The following TAS2R1 variants were observed in gnomAD, a reference collection of about 807,000 sequenced individuals.
TAS2R1 encodes the protein taste receptor type 2 member 1.
For missense variants in TAS2R1, 370 were observed against 353.4 expected (o/e 1.05, Z -0.38); for synonymous variants, 141 against 134.2 (o/e 1.05, Z -0.35).
the TAS2R1 span, among the ~76,000 whole-genome samples, chr5:9,788,734 T>C: frequency 6.6e-6 from 1 of 152,208 alleles, no homozygotes; most frequent in Non-Finnish European, 1.5e-5. Flanking sequence ...CGAACAACAG[T>C]AAACTCATTA....
chr5:9,667,059 TA>T (rs2126499744), intron 1 of TAS2R1, among the ~76,000 whole-genome samples: 1 of 152,274 alleles, frequency 6.6e-6, no homozygotes, highest in Admixed American at 6.5e-5. Context: ...AGACATGAAA[TA>T]TTTTTTATTG....
the TAS2R1 span, among the ~76,000 whole-genome samples, chr5:9,899,213 A>T: frequency 7.2e-5 from 11 of 152,292 alleles, 1 homozygote; most frequent in African/African-American, 2.6e-4. Context: ...CCACCAGAGG[A>T]GTTCAGAGGG....
the TAS2R1 span, among the ~76,000 whole-genome samples, chr5:9,894,545 C>A: frequency 1.2e-4 from 19 of 152,174 alleles, no homozygotes; most frequent in Non-Finnish European, 1.9e-4. Flanking sequence ...TCAGAAAAAA[C>A]CAAACCTGCA....
chr5:9,701,938 G>C (rs41481), intron 1 of TAS2R1, among the ~76,000 whole-genome samples: 33,418 of 152,098 alleles, frequency 0.22, 3,868 homozygotes, highest in Admixed American at 0.33. Flanking sequence ...TGAGATTAAT[G>C]TGATGTACAG....
the TAS2R1 span, among the ~76,000 whole-genome samples, chr5:9,885,671 T>C: frequency 6.6e-6 from 1 of 152,168 alleles, no homozygotes; most frequent in Admixed American, 6.5e-5. Context: ...GATGCAAAAT[T>C]ATCCTTTAAA....
the TAS2R1 span, among the ~76,000 whole-genome samples, chr5:9,762,239 C>T: frequency 1.3e-3 from 199 of 152,274 alleles, no homozygotes; most frequent in East Asian, 3.3e-3. Flanking sequence ...CTTCCACCTC[C>T]ACATACAACC....
rs576386687 is a variant in TAS2R1 at position 9,627,823 on chromosome 5, G to T, written c.*1310C>A. On this transcript the variant is annotated 3_prime_UTR_variant, in exon 1 of 1. Coordinates refer to ENST00000382492, the MANE Select transcript of TAS2R1 (RefSeq NM_019599.3). Reference sequence around the variant, plus strand: ...GAATGAAGTGTGAAACCTGTGGGAAGTTGAGAGTACACTCAGAGCTTAGTT... The same window carrying T: ...GAATGAAGTGTGAAACCTGTGGGAATTTGAGAGTACACTCAGAGCTTAGTT... Among the ~76,000 whole-genome samples the T allele has an allele frequency of 1.3e-5, 2 of 152,310 alleles. No individual in the cohort carries two copies. The highest frequency in any genetic ancestry group is 4.1e-4 in the South Asian group (2 of 4,824).
the TAS2R1 span, among the ~76,000 whole-genome samples, chr5:9,764,621 A>G: frequency 6.6e-6 from 1 of 152,228 alleles, no homozygotes; most frequent in South Asian, 2.1e-4. Flanking sequence ...ACATAGAAGC[A>G]TATATGTAAA....
the TAS2R1 span, among the ~76,000 whole-genome samples, chr5:9,790,600 T>C: frequency 6.6e-6 from 1 of 152,204 alleles, no homozygotes; most frequent in African/African-American, 2.4e-5. Flanking sequence ...ATTGTGTGTG[T>C]CTGTGTGTGC....
intron 1 of TAS2R1, among the ~76,000 whole-genome samples, chr5:9,690,275 A>G (rs1301433694): frequency 6.6e-6 from 1 of 152,144 alleles, no homozygotes; most frequent in Non-Finnish European, 1.5e-5. Context: ...CTGAAGATGT[A>G]CCTTTCTTAA....
the TAS2R1 span, among the ~76,000 whole-genome samples, chr5:9,851,508 G>A: frequency 1.4e-5 from 2 of 143,456 alleles, no homozygotes; most frequent in Non-Finnish European, 3.0e-5. Flanking sequence ...AATTTCTTCT[G>A]CTGGGATTTG....
chr5:9,672,453 C>T (rs1051917018), intron 1 of TAS2R1, among the ~76,000 whole-genome samples: 16 of 151,902 alleles, frequency 1.1e-4, no homozygotes, highest in African/African-American at 3.6e-4. Context: ...AACAAACGAC[C>T]CCATCAAAAA....
intron 1 of TAS2R1, among the ~76,000 whole-genome samples, chr5:9,697,141 T>C (rs1407726816): frequency 6.6e-6 from 1 of 152,132 alleles, no homozygotes; most frequent in Non-Finnish European, 1.5e-5. Flanking sequence ...GGGAAGCCTT[T>C]TAATTTGAAC....
At chr5:9,753,374 T>G in the TAS2R1 span, among the ~76,000 whole-genome samples, 2 of 152,258 alleles carry the variant, frequency 1.3e-5, no homozygotes, top group Non-Finnish European at 2.9e-5. Context: ...TTCATATCCT[T>G]TGCCCACTTT....
At chr5:9,705,251 G>C (rs1428530414) in intron 1 of TAS2R1, among the ~76,000 whole-genome samples, 1 of 152,106 alleles carries the variant, frequency 6.6e-6, no homozygotes, top group Non-Finnish European at 1.5e-5. Context: ...TATTCAGAGT[G>C]GCTACCCCTG....
the TAS2R1 span, among the ~76,000 whole-genome samples, chr5:9,832,559 G>T: frequency 6.6e-6 from 1 of 152,200 alleles, no homozygotes; most frequent in East Asian, 1.9e-4. Flanking sequence ...CTTCTCAAGT[G>T]TTCCTCTAAG....
the TAS2R1 span, among the ~76,000 whole-genome samples, chr5:9,799,451 T>C: frequency 6.6e-6 from 1 of 152,188 alleles, no homozygotes; most frequent in African/African-American, 2.4e-5. Flanking sequence ...GGCAGAGGAT[T>C]CACCTTGAAT....
chr5:9,705,098 G>T (rs766296526), intron 1 of TAS2R1, among the ~76,000 whole-genome samples: 4 of 152,042 alleles, frequency 2.6e-5, no homozygotes, highest in South Asian at 2.1e-4. Context: ...ATGTATACGT[G>T]GTCTTAGGCT....
chr5:9,793,196 G>A, the TAS2R1 span, among the ~76,000 whole-genome samples: 2 of 152,156 alleles, frequency 1.3e-5, no homozygotes, highest in Non-Finnish European at 2.9e-5. Context: ...TTTCTTTGTG[G>A]GCTTTTTGTT....
Sources: allele counts gnomAD v4.1 joint callset (sites outside exome capture counted in the v4.1 genomes callset), GRCh38; gene constraint gnomAD v4.1.1; transcripts MANE v1.5; gene names NCBI Gene and HGNC (gene_info 2026-07-23, HGNC 2026-07-21).